ZNF490: variants seen among roughly 807,000 people sequenced by gnomAD.
ZNF490 encodes the protein zinc finger protein 490.
In ZNF490, 11 loss-of-function variants were observed where a neutral mutation model predicts 17.7. That is an observed-to-expected ratio of 0.62 (90% CI 0.39 to 1.03). ZNF490 has a LOEUF of 1.03. Among genes scored for constraint, ZNF490 ranks in the 50% least tolerant of loss-of-function variants. The probability of loss-of-function intolerance (pLI) is 0.00; values close to 1 mark genes in which losing one functional copy is unlikely to be tolerated. For missense variants in ZNF490, 542 were observed against 643.4 expected (o/e 0.84, Z 1.71); for synonymous variants, 222 against 216.1 (o/e 1.03, Z -0.24).
chr19:12,599,977 G>A (rs1200284604), intron 2 of ZNF490, among the ~76,000 whole-genome samples: 7 of 152,142 alleles, frequency 4.6e-5, no homozygotes, highest in Non-Finnish European at 8.8e-5. Flanking sequence ...AACAAAAATT[G>A]TAAAGGGTAA....
At position 12,604,069 on chromosome 19, in the gene ZNF490, A is replaced by G. The variant is rs549504512; in HGVS notation, c.162+5089T>C. Reference sequence around the variant, plus strand: ...AAACTGAAGGTTGAGTTGATCACCCATAGTGAATGATGTGATTAATCATGT... The same window carrying G: ...AAACTGAAGGTTGAGTTGATCACCCGTAGTGAATGATGTGATTAATCATGT... On this transcript the variant is annotated intron_variant, in intron 2 of 4. Coordinates refer to ENST00000311437, the MANE Select transcript of ZNF490 (RefSeq NM_020714.3). Among the ~76,000 whole-genome samples, 4 of 152,360 alleles carry G rather than the reference A, an allele frequency of 2.6e-5. No homozygotes were observed. In the East Asian group the frequency reaches 5.8e-4, roughly 22 times the overall value.
chr19:12,605,008 C>T (rs2023051278), intron 2 of ZNF490, among the ~76,000 whole-genome samples: 2 of 151,806 alleles, frequency 1.3e-5, no homozygotes, highest in Admixed American at 6.6e-5. Flanking sequence ...ACAAAAATAG[C>T]TGGGCGTGGT....
At chr19:12,595,807 G>A (rs893561342) in intron 2 of ZNF490, among the ~76,000 whole-genome samples, 7 of 152,108 alleles carry the variant, frequency 4.6e-5, no homozygotes, top group South Asian at 4.1e-4. Context: ...AAAATCAGCC[G>A]AGTGTGTTGG....
rs767606051 is a variant in ZNF490 at position 12,582,875 on chromosome 19, G to A, written c.325C>T (p.His109Tyr). 4 of 1,612,848 alleles carry A rather than the reference G, an allele frequency of 2.5e-6. No individual in the cohort carries two copies. The highest frequency in any genetic ancestry group is 3.4e-6 in the Non-Finnish European group (4 of 1,179,464). Residue 109 changes from histidine (H) to tyrosine (Y), a missense_variant, in exon 4 of 5, where the codon CAC (histidine) becomes TAC (tyrosine). His to Tyr is a moderately conservative substitution (Grantham distance 83, BLOSUM62 2). Transcript: ENST00000311437. ...CTTAGATTTCTTCCCTGGTTTTTGTGTTCATCTTCAATATCCTGGTCTTTC... is the reference window on the plus strand; with the variant it reads ...CTTAGATTTCTTCCCTGGTTTTTGTATTCATCTTCAATATCCTGGTCTTTC... The part of the protein sequence containing the change: ...KWKDQDIEDE[H>Y]KNQGRNLRSP...
intron 3 of ZNF490, 135 bp from the exon 4 acceptor site, chr19:12,583,045 ATTT>A (rs142050281): frequency 3.0e-3 from 1,753 of 585,036 alleles, no homozygotes; most frequent in South Asian, 4.7e-3. Context: ...CTCTTCCCAC[ATTT>A]TTTTTTTTTT....
chr19:12,602,479 G>C lies in ZNF490; in HGVS notation c.162+6679C>G, dbSNP rs200292171. ...GCAGGAGAATCACTTAAACCCAGGA[G>C]ACAAAGGTTGCAGCGAGCCGAGATG... On this transcript the variant is annotated intron_variant, in intron 2 of 4. Coordinates refer to ENST00000311437, the MANE Select transcript of ZNF490 (RefSeq NM_020714.3). Among the ~76,000 whole-genome samples, 3 of 152,176 alleles carry C rather than the reference G, an allele frequency of 2.0e-5. No homozygotes were observed. In the East Asian group the frequency reaches 5.8e-4, roughly 29 times the overall value.
intron 2 of ZNF490, among the ~76,000 whole-genome samples, chr19:12,605,189 T>C (rs962338731): frequency 8.6e-5 from 13 of 151,524 alleles, no homozygotes. Flanking sequence ...TAATAAAATA[T>C]CCTTTGTAAG....
At position 12,580,973 on chromosome 19, in the gene ZNF490, C is replaced by T. The variant is rs1302392440; in HGVS notation, c.1102G>A (p.Gly368Arg). The T allele has an allele frequency of 6.2e-7, 1 of 1,614,078 alleles. No homozygotes were observed. The highest frequency in any genetic ancestry group is 2.2e-5 in the East Asian group (1 of 44,894). The change falls in exon 5 of 5, where the codon GGG becomes AGG. Residue 368 changes from glycine (G) to arginine (R), a missense_variant. Gly to Arg is a moderately radical substitution (Grantham distance 125). Transcript: ENST00000311437. ...GVQPYTCKKC[G>R]EAFKSSSSCE... ...GAACTAGATGACTTGAAGGCTTCCC[C>T]ACATTTCTTACATGTATAAGGTTGA...
chr19:12,593,319 C>T (rs1344478211), intron 2 of ZNF490, among the ~76,000 whole-genome samples: 3 of 151,828 alleles, frequency 2.0e-5, no homozygotes, highest in East Asian at 1.9e-4. Flanking sequence ...GCAATCTCGG[C>T]TCACTGCAAC....
At chr19:12,601,720 C>T (rs1483674254) in intron 2 of ZNF490, among the ~76,000 whole-genome samples, 3 of 152,072 alleles carry the variant, frequency 2.0e-5, no homozygotes, top group East Asian at 1.9e-4. Context: ...AGGCCAGGTG[C>T]GGTGGCATAG....
At chr19:12,589,137 C>A (rs1374308022) in intron 2 of ZNF490, among the ~76,000 whole-genome samples, 1 of 152,120 alleles carries the variant, frequency 6.6e-6, no homozygotes, top group Non-Finnish European at 1.5e-5. Context: ...GCCTGGCCAA[C>A]ATGGTGAAAC....
At chr19:12,595,392 T>C (rs1381686844) in intron 2 of ZNF490, among the ~76,000 whole-genome samples, 3 of 152,078 alleles carry the variant, frequency 2.0e-5, no homozygotes, top group Admixed American at 1.3e-4. Flanking sequence ...GGATAACAGG[T>C]GTGGGCCACC....
chr19:12,610,446 G>A, intron 1 of ZNF490, 118 bp downstream of exon 1: 1 of 888,170 alleles, frequency 1.1e-6, no homozygotes, highest in Non-Finnish European at 1.8e-6. Context: ...CGCTGTTATG[G>A]TCAAAGATTA....
intron 1 of ZNF490, 29 bp from the exon 2 acceptor site, chr19:12,609,231 T>A (rs1301154915): frequency 6.2e-7 from 1 of 1,611,122 alleles, no homozygotes; most frequent in African/African-American, 1.3e-5. Context: ...ATGCATTTTG[T>A]GAGTTTCAGC....
intron 2 of ZNF490, among the ~76,000 whole-genome samples, chr19:12,583,809 A>ATTTTTT (rs2022778086): frequency 5.7e-5 from 6 of 105,136 alleles, no homozygotes; most frequent in African/African-American, 2.0e-4. Context: ...ATATATATAT[A>ATTTTTT]TATTTTTTTT....
Position 12,578,020 on chromosome 19 carries a change from G to C in ZNF490, c.*2465C>G. ...TTGCCTTGTGATGTGAAGCAAGGTA[G>C]TTCCATGGCTTGTGAACCCTGACAC... On this transcript the variant is annotated 3_prime_UTR_variant, in exon 5 of 5. Transcript: ENST00000311437. 1 of 985,458 alleles carries C rather than the reference G, an allele frequency of 1.0e-6. No individual in the cohort carries two copies. The highest frequency in any genetic ancestry group is 1.2e-6 in the Non-Finnish European group (1 of 829,950). The allele number at this position is 985,458 out of a possible 1,614,324, so 61.0% of individuals were successfully genotyped here. A position where few individuals can be genotyped will look rare whatever the true frequency, so the allele number is the denominator to read the frequency against.
rs200345759 is a variant in ZNF490, at chr19:12,583,498, A to C, written c.221T>G (p.Leu74Arg). The change falls in exon 3 of 5, where the codon CTG becomes CGG. Residue 74 changes from leucine (L) to arginine (R), a missense_variant. Leu to Arg is a moderately radical substitution (Grantham distance 102). Coordinates refer to ENST00000311437, the MANE Select transcript of ZNF490 (RefSeq NM_020714.3). ...GTAGATATTCCTCTGGCCAGGATCCAGCAAAGCCCACTCCTCCAGGGTGAA... is the reference window on the plus strand; with the variant it reads ...GTAGATATTCCTCTGGCCAGGATCCCGCAAAGCCCACTCCTCCAGGGTGAA... ...VNFTLEEWAL[L>R]DPGQRNIYRD... 6.2e-7 allele frequency: 1 copy of C among 1,607,008 alleles called. No individual in the cohort carries two copies. The highest frequency in any genetic ancestry group is 8.5e-7 in the Non-Finnish European group (1 of 1,175,516).
chr19:12,583,955 C>T (rs944649902), intron 2 of ZNF490, among the ~76,000 whole-genome samples: 5 of 151,184 alleles, frequency 3.3e-5, no homozygotes, highest in African/African-American at 1.2e-4. Flanking sequence ...GGACTACAGG[C>T]GCCCACCACC....
At chr19:12,583,779 CTCTCTCTCTCTCTA>C (rs1242392093) in intron 2 of ZNF490, among the ~76,000 whole-genome samples, 3 of 98,330 alleles carry the variant, frequency 3.1e-5, no homozygotes, top group African/African-American at 1.3e-4. Flanking sequence ...CTCTCTCTCT[CTCTCTCTCTCTCTA>C]TATATATATA....
Sources: allele counts gnomAD v4.1 joint callset (sites outside exome capture counted in the v4.1 genomes callset), GRCh38; gene constraint gnomAD v4.1.1; transcripts MANE v1.5; gene names NCBI Gene and HGNC (gene_info 2026-07-23, HGNC 2026-07-21).